The following SNED1 variants were observed in gnomAD, a reference collection of about 807,000 sequenced individuals.
SNED1 encodes sushi, nidogen and EGF like domains 1.
Under a neutral mutation model 166.7 loss-of-function variants are expected in SNED1, and 81 were observed. The ratio of observed to expected loss-of-function variants is 0.49; its 90% CI spans 0.41 to 0.58. The LOEUF is 0.58. Among genes scored for constraint, SNED1 ranks in the 20% least tolerant of loss-of-function variants. The probability of loss-of-function intolerance (pLI) is 0.00; values close to 1 mark genes in which losing one functional copy is unlikely to be tolerated. For synonymous variants in SNED1, 762 were observed against 822.0 expected, an observed-to-expected ratio of 0.93 and a Z score of 1.25; for missense variants, 1,604 against 2,000.2, an observed-to-expected ratio of 0.80 and a Z score of 3.78.
chr2:241,057,954 T>C (rs1295777692), intron 16 of SNED1, among the ~76,000 whole-genome samples: 2 of 152,042 alleles, frequency 1.3e-5, no homozygotes, highest in Non-Finnish European at 2.9e-5. Context: ...ATGGCAAATA[T>C]TAAGATTGGA....
chr2:241,027,325 C>A (rs547545472), intron 1 of SNED1, among the ~76,000 whole-genome samples: 36 of 152,316 alleles, frequency 2.4e-4, no homozygotes, highest in African/African-American at 8.7e-4. Context: ...AGGTGATCCA[C>A]CTGCCTCAGC....
At chr2:241,008,223 C>A (rs1662664260) in intron 1 of SNED1, among the ~76,000 whole-genome samples, 1 of 152,252 alleles carries the variant, frequency 6.6e-6, no homozygotes, top group Admixed American at 6.5e-5. Context: ...GGAACAGAGT[C>A]AGTGCCGTGA....
chr2:241,024,199 A>G lies in SNED1; in HGVS notation c.214-6085A>G, dbSNP rs551416090. ...GCCCAACCTTATTCATTTTCATTCA[A>G]TGCATGTCTGGTGTAGTTGTATTTC... On this transcript the variant is annotated intron_variant, in intron 1 of 31. Transcript: ENST00000310397. 1.9e-3 allele frequency among the ~76,000 whole-genome samples: 258 copies of G among 134,994 alleles called. 2 individuals carry two copies. In the South Asian group the frequency reaches 0.02, roughly 11 times the overall value. The allele number at this position is 134,994 out of a possible 152,430, so 88.6% of individuals were successfully genotyped here. A position where few individuals can be genotyped will look rare whatever the true frequency, so the allele number is the denominator to read the frequency against.
At chr2:241,077,877 G>A (rs936836689) in intron 27 of SNED1, among the ~76,000 whole-genome samples, 5 of 152,158 alleles carry the variant, frequency 3.3e-5, no homozygotes, top group Admixed American at 3.3e-4. Flanking sequence ...CTGCTGGTGG[G>A]ACTGTAAAGT....
chr2:241,011,197 G>T (rs1261112912), intron 1 of SNED1, among the ~76,000 whole-genome samples: 1 of 143,976 alleles, frequency 6.9e-6, no homozygotes, highest in Non-Finnish European at 1.5e-5. Flanking sequence ...TCTCCTGGGG[G>T]TGGCAGGTCT....
At chr2:241,034,001 C>G in intron 3 of SNED1, 126 bp downstream of exon 3, 1 of 1,161,668 alleles carries the variant, frequency 8.6e-7, no homozygotes, top group Non-Finnish European at 1.2e-6. Flanking sequence ...CAGAGGCCAA[C>G]GAGAGACATC....
chr2:241,006,281 A>G (rs2060219393), intron 1 of SNED1, among the ~76,000 whole-genome samples: 1 of 152,054 alleles, frequency 6.6e-6, no homozygotes, highest in African/African-American at 2.4e-5. Flanking sequence ...TTATGTTGAC[A>G]TTTCCTTTTC....
At chr2:241,072,661 G>A in intron 26 of SNED1, 1 of 210,976 alleles carries the variant, frequency 4.7e-6, no homozygotes. Context: ...GGTGAGCAGG[G>A]GAGAGAGCCC....
At chr2:241,044,960 G>A (rs2061611118) in intron 8 of SNED1, among the ~76,000 whole-genome samples, 2 of 152,192 alleles carry the variant, frequency 1.3e-5, no homozygotes, top group African/African-American at 4.8e-5. Flanking sequence ...TGAATCTTGG[G>A]ACAGCAACTC....
intron 16 of SNED1, among the ~76,000 whole-genome samples, chr2:241,056,442 C>A (rs538876178): frequency 6.7e-6 from 1 of 149,676 alleles, no homozygotes; most frequent in East Asian, 2.0e-4. Flanking sequence ...ATAGGCTTAA[C>A]AAAATGGATA....
At chr2:241,035,212 C>CT (rs1279662232) in intron 4 of SNED1, among the ~76,000 whole-genome samples, 1 of 152,146 alleles carries the variant, frequency 6.6e-6, no homozygotes, top group Non-Finnish European at 1.5e-5. Context: ...GGCAGGTCCT[C>CT]TTACCACCCA....
At position 241,083,002 on chromosome 2, in the gene SNED1, G is replaced by C. The variant is rs148408373; in HGVS notation, c.4121+638G>C. Reference sequence around the variant, plus strand: ...TGTTCTAGATACTCAGCACACATCAGAACAGAGCAGACCAAAGCCCTGCCT... The same window carrying C: ...TGTTCTAGATACTCAGCACACATCACAACAGAGCAGACCAAAGCCCTGCCT... On this transcript the variant is annotated intron_variant, in intron 29 of 31. Transcript: ENST00000310397. 3.3e-5 allele frequency among the ~76,000 whole-genome samples: 5 copies of C among 152,168 alleles called. No individual in the cohort carries two copies. The East Asian group carries it at 9.6e-4, about 29-fold the overall frequency.
chr2:241,034,644 A>G lies in SNED1; in HGVS notation c.719A>G (p.Glu240Gly), dbSNP rs2061289730. 1 of 1,611,742 alleles carries G rather than the reference A, an allele frequency of 6.2e-7. No homozygotes were observed. Among genetic ancestry groups the G allele is most frequent in the Non-Finnish European group, 8.5e-7 (1 of 1,179,448 alleles). ...GSRTADMAEVETTTNVGVPGR... is the reference protein window; with the variant it reads ...GSRTADMAEVGTTTNVGVPGR... ...CGCACAGCAGACATGGCCGAGGTGG[A>G]GACCACCACCAACGTGGGTGTGCCC... Residue 240 changes from glutamate (E) to glycine (G), a missense_variant, in exon 4 of 32, where the codon GAG (glutamate) becomes GGG (glycine). Physicochemically the swap from Glu to Gly is moderately conservative, Grantham distance 98. Transcript: ENST00000310397.
At chr2:241,016,900 T>A (rs1394902475) in intron 1 of SNED1, among the ~76,000 whole-genome samples, 3 of 149,172 alleles carry the variant, frequency 2.0e-5, no homozygotes, top group Non-Finnish European at 4.4e-5. Flanking sequence ...TCGCCCAGGC[T>A]GGAGTTCAAT....
chr2:241,085,905 C>T (rs1187770643), intron 29 of SNED1, among the ~76,000 whole-genome samples: 1 of 124,546 alleles, frequency 8.0e-6, no homozygotes, highest in Non-Finnish European at 1.6e-5. Flanking sequence ...CTTGCTCTGT[C>T]GCCCAGGCTG....
intron 28 of SNED1, 139 bp from the exon 29 acceptor site, chr2:241,082,138 C>A: frequency 3.0e-6 from 2 of 670,148 alleles, no homozygotes; most frequent in South Asian, 1.8e-5. Flanking sequence ...TGCAGACCCC[C>A]GGGCCCTCTC....
chr2:241,000,231 A>G (rs2060037473), intron 1 of SNED1, among the ~76,000 whole-genome samples: 1 of 151,832 alleles, frequency 6.6e-6, no homozygotes, highest in Admixed American at 6.6e-5. Flanking sequence ...CCTCCACCAC[A>G]TGCCCTCTAG....
At chr2:241,003,329 T>C (rs1050779927) in intron 1 of SNED1, among the ~76,000 whole-genome samples, 3 of 152,210 alleles carry the variant, frequency 2.0e-5, no homozygotes, top group African/African-American at 7.2e-5. Flanking sequence ...AGCCTGGGGC[T>C]GCAGTGGTGG....
intron 16 of SNED1, among the ~76,000 whole-genome samples, chr2:241,057,771 T>C (rs1235722870): frequency 6.6e-6 from 1 of 152,156 alleles, no homozygotes; most frequent in Non-Finnish European, 1.5e-5. Flanking sequence ...TAAAAAAATA[T>C]ATTCTCATAC....
Sources: allele counts gnomAD v4.1 joint callset (sites outside exome capture counted in the v4.1 genomes callset), GRCh38; gene constraint gnomAD v4.1.1; transcripts MANE v1.5; gene names NCBI Gene and HGNC (gene_info 2026-07-23, HGNC 2026-07-21).